Variants in HJURP observed in about 807,000 individuals in gnomAD.
HJURP encodes 14-3-3-associated AKT substrate.
HJURP carries 49 observed loss-of-function variants against 72.0 expected under a neutral mutation model. The observed-to-expected ratio is 0.68, with a 90% confidence interval of 0.54 to 0.86. The LOEUF is 0.86. Ranked by LOEUF, HJURP falls within the 40% of genes least tolerant of loss-of-function variation. The pLI is 0.00. For synonymous variants in HJURP, 357 were observed against 347.1 expected (o/e 1.03, Z -0.32); for missense variants, 908 against 936.3 (o/e 0.97, Z 0.39).
rs1428000202 is a variant in HJURP at position 233,845,743 on chromosome 2, A to C, written c.480T>G (p.Gly160=). The C allele has an allele frequency of 6.2e-7, 1 of 1,606,450 alleles. No individual in the cohort carries two copies. Among genetic ancestry groups the C allele is most frequent in the East Asian group, 2.2e-5 (1 of 44,834 alleles). Residue 160 remains glycine, a synonymous_variant, in exon 6 of 9, where the codon GGT becomes GGG. Transcript: ENST00000411486. The stretch of plus-strand genomic sequence containing the variant: ...AACAGATTACCTCAAAATACTCTGC[A>C]CCTTGTAGCAGTATATCCACTTGGG... The part of the protein sequence containing the change: ...YLTQVDILLQ[G]AEYFECAGNR...
chr2:233,838,049 C>G (rs546348828), intron 8 of HJURP, among the ~76,000 whole-genome samples: 1 of 152,168 alleles, frequency 6.6e-6, no homozygotes, highest in Non-Finnish European at 1.5e-5. Flanking sequence ...GAAGATAAGA[C>G]GTAAAAACGG....
chr2:233,845,566 G>A (rs1705341314), intron 6 of HJURP, among the ~76,000 whole-genome samples, 162 bp downstream of exon 6: 1 of 152,336 alleles, frequency 6.6e-6, no homozygotes, highest in African/African-American at 2.4e-5. Context: ...TATTCAAGAA[G>A]AGCAAGTATG....
At chr2:233,849,726 C>A in intron 4 of HJURP, 37 bp downstream of exon 4, 1 of 1,379,978 alleles carries the variant, frequency 7.2e-7, no homozygotes, top group South Asian at 1.2e-5. Flanking sequence ...GACCTGGTCC[C>A]TCCTGACTTC....
At chr2:233,850,251 C>T (rs2124975759) in intron 3 of HJURP, among the ~76,000 whole-genome samples, 1 of 152,330 alleles carries the variant, frequency 6.6e-6, no homozygotes, top group Non-Finnish European at 1.5e-5. Context: ...AGGCAAGTGG[C>T]CCCTGGGCAA....
rs1374118144 is a variant in HJURP, at chr2:233,837,490, G to A, written c.*87C>T. On this transcript the variant is annotated 3_prime_UTR_variant, in exon 9 of 9. Coordinates refer to ENST00000411486, the MANE Select transcript of HJURP (RefSeq NM_018410.5). ...CTTTAAGGGCAGAGAAGTCAACCAAGTCCTCACAGTCTCAAGAATCAAAAA... is the reference window on the plus strand; with the variant it reads ...CTTTAAGGGCAGAGAAGTCAACCAAATCCTCACAGTCTCAAGAATCAAAAA... 2 of 900,120 alleles carry A rather than the reference G, an allele frequency of 2.2e-6. No homozygotes were observed. The highest frequency in any genetic ancestry group is 3.3e-5 in the African/African-American group (2 of 60,172). 55.8% of individuals were successfully genotyped at this position (900,120 alleles called of 1,614,324 possible).
In HJURP at chr2:233,854,432, C is replaced by T. The variant is rs1705570771; in HGVS notation, c.69G>A (p.Arg23=). ...GCCTCTGGAAGCGGCGGCGACTGGC[C>T]CTGAGCTTCTGCAGCAGCTGGTCGT... is the stretch of plus-strand genomic sequence containing the variant. ...VEDDQLLQKL[R]ASRRRFQRRM... Residue 23 remains arginine, a synonymous_variant, in exon 1 of 9, where the codon AGG becomes AGA. Transcript: ENST00000411486. 1 of 1,611,756 alleles carries T rather than the reference C, an allele frequency of 6.2e-7. No homozygotes were observed. The highest frequency in any genetic ancestry group is 8.5e-7 in the Non-Finnish European group (1 of 1,179,396).
In HJURP at chr2:233,841,656, T is replaced by G; in HGVS notation, c.1124A>C (p.Lys375Thr). The G allele has an allele frequency of 6.2e-7, 1 of 1,614,232 alleles. No homozygotes were observed. Among genetic ancestry groups the G allele is most frequent in the Non-Finnish European group, 8.5e-7 (1 of 1,180,030 alleles). Residue 375 changes from lysine to threonine, a missense_variant, in exon 8 of 9, where the codon AAG becomes ACG. Coordinates refer to ENST00000411486, the MANE Select transcript of HJURP (RefSeq NM_018410.5). Reference sequence around the variant, plus strand: ...CTTCGAGGGTGTCACTTTGCGCTCCTTCCAACTTGGATCTAACTTATGGAT... The same window carrying G: ...CTTCGAGGGTGTCACTTTGCGCTCCGTCCAACTTGGATCTAACTTATGGAT... ...PQIHKLDPSW[K>T]ERKVTPSKYS...
Position 233,837,309 on chromosome 2 carries a change from CAAACAAA to C in HJURP, c.*261_*267del. The C allele has an allele frequency of 3.8e-6, 1 of 265,986 alleles. No individual in the cohort carries two copies. Among genetic ancestry groups the C allele is most frequent in the Non-Finnish European group, 6.9e-6 (1 of 144,022 alleles). 16.5% of individuals were successfully genotyped at this position (265,986 alleles called of 1,614,324 possible). A position where few individuals can be genotyped will look rare whatever the true frequency, so the allele number is the denominator to read the frequency against. ...AAAAACAAACAAACAAACAAACAAA[CAAACAAA>C]TAACCCCCCCCCAAAAAAAACACAC... On this transcript the variant is annotated 3_prime_UTR_variant, in exon 9 of 9. Transcript: ENST00000411486.
intron 8 of HJURP, 31 bp from the exon 9 acceptor site, chr2:233,837,683 G>T: frequency 6.8e-7 from 1 of 1,459,892 alleles, no homozygotes; most frequent in Non-Finnish European, 9.5e-7. Context: ...AGAAAATGAT[G>T]TTAGCAAAAT....
Position 233,837,313 on chromosome 2 carries a change from CAAATAA to C in HJURP, c.*258_*263del, listed in dbSNP as rs1223294416. On this transcript the variant is annotated 3_prime_UTR_variant, in exon 9 of 9. Coordinates refer to ENST00000411486, the MANE Select transcript of HJURP (RefSeq NM_018410.5). ...ACAAACAAACAAACAAACAAACAAACAAATAACCCCCCCCCAAAAAAAACACACACA... is the reference window on the plus strand; with the variant it reads ...ACAAACAAACAAACAAACAAACAAACCCCCCCCCCAAAAAAAACACACACA... 4 of 326,626 alleles carry C rather than the reference CAAATAA, an allele frequency of 1.2e-5. No homozygotes were observed. The highest frequency in any genetic ancestry group is 4.5e-5 in the South Asian group (1 of 22,358). The allele number at this position is 326,626 out of a possible 1,614,324, so 20.2% of individuals were successfully genotyped here. A position where few individuals can be genotyped will look rare whatever the true frequency, so the allele number is the denominator to read the frequency against.
intron 5 of HJURP, 170 bp from the exon 6 acceptor site, chr2:233,845,990 A>G (rs993913789): frequency 3.6e-6 from 2 of 556,378 alleles, no homozygotes; most frequent in Non-Finnish European, 6.4e-6. Context: ...ACTTCCTGCT[A>G]TGTTAATAAT....
At position 233,837,484 on chromosome 2, in the gene HJURP, A is replaced by G; in HGVS notation, c.*93T>C. ...TATTTACTTTAAGGGCAGAGAAGTC[A>G]ACCAAGTCCTCACAGTCTCAAGAAT... On this transcript the variant is annotated 3_prime_UTR_variant, in exon 9 of 9. Transcript: ENST00000411486. 1 of 864,424 alleles carries G rather than the reference A, an allele frequency of 1.2e-6. No homozygotes were observed. Among genetic ancestry groups the G allele is most frequent in the African/African-American group, 1.7e-5 (1 of 59,404 alleles). 53.5% of individuals were successfully genotyped at this position (864,424 alleles called of 1,614,324 possible). A position where few individuals can be genotyped will look rare whatever the true frequency, so the allele number is the denominator to read the frequency against.
chr2:233,840,237 C>T (rs993863997), intron 8 of HJURP, among the ~76,000 whole-genome samples: 1 of 152,216 alleles, frequency 6.6e-6, no homozygotes, highest in African/African-American at 2.4e-5. Flanking sequence ...TCACTTTCGC[C>T]TTACAACAGC....
intron 7 of HJURP, among the ~76,000 whole-genome samples, chr2:233,842,960 C>G (rs1044553835): frequency 6.6e-6 from 1 of 152,220 alleles, no homozygotes; most frequent in Non-Finnish European, 1.5e-5. Context: ...ACACAAAAGC[C>G]AGCCTGAAAG....
At chr2:233,844,066 A>G (rs1240931811) in intron 7 of HJURP, 139 bp downstream of exon 7, 4 of 660,716 alleles carry the variant, frequency 6.1e-6, no homozygotes, top group Non-Finnish European at 1.1e-5. Flanking sequence ...AAATCCAAGT[A>G]TATCTCTAAC....
At chr2:233,853,355 C>A (rs990986696) in intron 2 of HJURP, among the ~76,000 whole-genome samples, 3 of 152,248 alleles carry the variant, frequency 2.0e-5, no homozygotes, top group African/African-American at 7.2e-5. Flanking sequence ...AATGCCTTCT[C>A]CTCCCTATTC....
At position 233,845,434 on chromosome 2, in the gene HJURP, G is replaced by A. The variant is rs555627270; in HGVS notation, c.495+294C>T. Among the ~76,000 whole-genome samples, 53 of 152,260 alleles carry A rather than the reference G, an allele frequency of 3.5e-4. 1 individual carries two copies. The highest frequency in any genetic ancestry group is 5.7e-4 in the Non-Finnish European group (39 of 68,004). ...CTCAAAGTGCTGGGATTACAGACATGAGCCACTGTGCCTGGCTGCCCCACT... is the reference window on the plus strand; with the variant it reads ...CTCAAAGTGCTGGGATTACAGACATAAGCCACTGTGCCTGGCTGCCCCACT... On this transcript the variant is annotated intron_variant, in intron 6 of 8. Coordinates refer to ENST00000411486, the MANE Select transcript of HJURP (RefSeq NM_018410.5).
At position 233,843,235 on chromosome 2, in the gene HJURP, C is replaced by G. The variant is rs28900706; in HGVS notation, c.574+970G>C. Among the ~76,000 whole-genome samples, 57 of 152,230 alleles carry G rather than the reference C, an allele frequency of 3.7e-4. 2 individuals are homozygous for G. In the East Asian group the frequency reaches 0.011, roughly 29 times the overall value. Reference sequence around the variant, plus strand: ...ACAGAAACAACCTGGGCGGGGACCTCCACCCAGGCGATCCGCATTGCTGGC... The same window carrying G: ...ACAGAAACAACCTGGGCGGGGACCTGCACCCAGGCGATCCGCATTGCTGGC... On this transcript the variant is annotated intron_variant, in intron 7 of 8. Coordinates refer to ENST00000411486, the MANE Select transcript of HJURP (RefSeq NM_018410.5).
Position 233,852,900 on chromosome 2 carries a change from G to A in HJURP, c.185-280C>T, listed in dbSNP as rs577540511. 6.6e-5 allele frequency among the ~76,000 whole-genome samples: 10 copies of A among 152,282 alleles called. No individual in the cohort carries two copies. In the South Asian group the frequency reaches 1.7e-3, roughly 25 times the overall value. The stretch of plus-strand genomic sequence containing the variant: ...ATGAAAACAAGGAACATATGACAGC[G>A]ACTGTCCTTAAAATATATAGAGGGC... On this transcript the variant is annotated intron_variant, in intron 2 of 8. Transcript: ENST00000411486.
Sources: gnomAD v4.1 joint callset for allele counts (sites outside exome capture counted in the v4.1 genomes callset) on GRCh38, gnomAD v4.1.1 for gene constraint, MANE v1.5 for transcripts, NCBI Gene and HGNC (gene_info 2026-07-23, HGNC 2026-07-21) for gene names.